Variants in DNAH9 observed in about 807,000 individuals in gnomAD.
The protein encoded by DNAH9 is dynein axonemal heavy chain 9.
DNAH9 carries 345 observed loss-of-function variants against 471.6 expected under a neutral mutation model. The observed-to-expected ratio is 0.73, with a 90% CI of 0.67 to 0.80. DNAH9 has a LOEUF of 0.80. Ranked by LOEUF, DNAH9 falls within the 30% of genes least tolerant of loss-of-function variation. The pLI is 0.00. For missense variants in DNAH9, 5,407 were observed against 5,609.2 expected (o/e 0.96, Z 1.15); for synonymous variants, 2,093 against 2,123.6 (o/e 0.99, Z 0.40).
At chr17:11,835,593 G>A (rs1339354490) in intron 49 of DNAH9, among the ~76,000 whole-genome samples, 1 of 152,132 alleles carries the variant, frequency 6.6e-6, no homozygotes, top group Non-Finnish European at 1.5e-5. Context: ...GGCAAAGGTG[G>A]AAGGAAAAGA....
At chr17:11,955,766 T>A (rs576624428) in intron 67 of DNAH9, among the ~76,000 whole-genome samples, 3 of 152,330 alleles carry the variant, frequency 2.0e-5, no homozygotes, top group Admixed American at 2.0e-4. Context: ...TCTCCAGCAC[T>A]GGAAATGGAG....
At chr17:11,619,055 C>A (rs1373669088) in intron 5 of DNAH9, among the ~76,000 whole-genome samples, 2 of 152,244 alleles carry the variant, frequency 1.3e-5, no homozygotes, top group African/African-American at 4.8e-5. Flanking sequence ...CTGGCTTCAG[C>A]CCCGACTTGC....
rs186955726 is a variant in DNAH9, at chr17:11,689,967, G to A, written c.4145G>A (p.Arg1382Gln). Reference sequence around the variant, plus strand: ...GCTGAGCTGCAGAATCCAGCCATCCGGGAGCGGCACTGGAGGCAGCTGATG... The same window carrying A: ...GCTGAGCTGCAGAATCCAGCCATCCAGGAGCGGCACTGGAGGCAGCTGATG... Reference protein sequence around the residue: ...AVAELQNPAIRERHWRQLMQA... With the variant: ...AVAELQNPAIQERHWRQLMQA... The change falls in exon 20 of 69, where the codon CGG (arginine) becomes CAG (glutamine). Residue 1382 changes from arginine to glutamine, a missense_variant. Physicochemically the swap from Arg to Gln is conservative, Grantham distance 43. This residue lies in a region of DNAH9 where 4,636 missense variants were observed against 4,900.3 expected (regional missense o/e 0.95). Coordinates refer to ENST00000262442, the MANE Select transcript of DNAH9 (RefSeq NM_001372.4). The A allele has an allele frequency of 1.9e-5, 30 of 1,613,678 alleles. No individual in the cohort carries two copies. Among genetic ancestry groups the A allele is most frequent in the Admixed American group, 6.7e-5 (4 of 59,984 alleles).
intron 56 of DNAH9, chr17:11,884,725 T>G: frequency 2.8e-6 from 1 of 361,216 alleles, no homozygotes; most frequent in Admixed American, 3.1e-5. Flanking sequence ...AGCAGGGATG[T>G]GACCACCAGG....
intron 2 of DNAH9, among the ~76,000 whole-genome samples, chr17:11,608,531 A>C (rs931535320): frequency 6.6e-6 from 1 of 152,212 alleles, no homozygotes; most frequent in Non-Finnish European, 1.5e-5. Flanking sequence ...CACTGCATGA[A>C]GTCTTCCAAG....
chr17:11,666,393 T>C (rs1444074988), intron 15 of DNAH9, among the ~76,000 whole-genome samples: 1 of 152,130 alleles, frequency 6.6e-6, no homozygotes, highest in Non-Finnish European at 1.5e-5. Context: ...TGTCCACTTG[T>C]GGGAAGGACA....
intron 61 of DNAH9, among the ~76,000 whole-genome samples, chr17:11,913,258 T>C (rs1368853421): frequency 6.6e-6 from 1 of 152,224 alleles, no homozygotes; most frequent in Non-Finnish European, 1.5e-5. Flanking sequence ...GCCTGAGTTT[T>C]TTTGAGTAAG....
rs946760769 is a variant in DNAH9 at position 11,605,929 on chromosome 17, T to C, written c.418-2200T>C. Among the ~76,000 whole-genome samples, 13 of 152,190 alleles carry C rather than the reference T, an allele frequency of 8.5e-5. 1 individual carries two copies. On this transcript the variant is annotated intron_variant, in intron 1 of 68. Coordinates refer to ENST00000262442, the MANE Select transcript of DNAH9 (RefSeq NM_001372.4). The stretch of plus-strand genomic sequence containing the variant: ...TGTACATTCAGTTATTTGATAAACA[T>C]CTTGAGTGCTTTCTATATGCCAGAT...
At chr17:11,777,776 T>G (rs937511567) in intron 38 of DNAH9, among the ~76,000 whole-genome samples, 3 of 152,236 alleles carry the variant, frequency 2.0e-5, no homozygotes, top group African/African-American at 4.8e-5. Context: ...GGCATTGTGC[T>G]TACAATTATT....
intron 37 of DNAH9, 33 bp from the exon 38 acceptor site, chr17:11,769,089 A>G: frequency 1.2e-6 from 2 of 1,611,024 alleles, no homozygotes; most frequent in Non-Finnish European, 1.7e-6. Flanking sequence ...CCTAGAGCCC[A>G]CCCTTGGCAG....
intron 62 of DNAH9, among the ~76,000 whole-genome samples, chr17:11,924,738 C>T (rs909423220): frequency 2.0e-5 from 3 of 151,342 alleles, no homozygotes; most frequent in African/African-American, 7.3e-5. Flanking sequence ...ATTCTCCTGC[C>T]TCAGCCTCCT....
chr17:11,921,229 A>C (rs1336436830), intron 61 of DNAH9, among the ~76,000 whole-genome samples: 1 of 148,106 alleles, frequency 6.8e-6, no homozygotes, highest in Non-Finnish European at 1.5e-5. Flanking sequence ...GGTGAAAAAA[A>C]AGAAAAAAAG....
chr17:11,738,449 C>T (rs898413840), intron 28 of DNAH9, among the ~76,000 whole-genome samples: 1 of 152,122 alleles, frequency 6.6e-6, no homozygotes, highest in African/African-American at 2.4e-5. Flanking sequence ...AGCATGATCT[C>T]GGCTCACGGC....
At chr17:11,837,999 G>A (rs1970902638) in intron 49 of DNAH9, among the ~76,000 whole-genome samples, 1 of 152,026 alleles carries the variant, frequency 6.6e-6, no homozygotes, top group South Asian at 2.1e-4. Context: ...AATAATAAAG[G>A]CATTCATTAA....
chr17:11,904,527 G>T (rs969171870), intron 60 of DNAH9, among the ~76,000 whole-genome samples: 3 of 151,658 alleles, frequency 2.0e-5, no homozygotes, highest in African/African-American at 4.9e-5. Context: ...TACTCAGGAG[G>T]CTGAGGCAGG....
rs1268969294 is a variant in DNAH9 at position 11,694,708 on chromosome 17, C to T, written c.4872+261C>T. On this transcript the variant is annotated intron_variant, in intron 22 of 68. Coordinates refer to ENST00000262442, the MANE Select transcript of DNAH9 (RefSeq NM_001372.4). ...TTTCTCGCTTTCTCGCTTTCTCTCTCTCTCTCTCTCTCTCTCTCTTTCTCT... is the reference window on the plus strand; with the variant it reads ...TTTCTCGCTTTCTCGCTTTCTCTCTTTCTCTCTCTCTCTCTCTCTTTCTCT... Among the ~76,000 whole-genome samples, 6 of 3,308 alleles carry T rather than the reference C, an allele frequency of 1.8e-3. 1 individual carries two copies. Among genetic ancestry groups the T allele is most frequent in the African/African-American group, 2.5e-3 (6 of 2,410 alleles). 2.2% of individuals were successfully genotyped at this position (3,308 alleles called of 152,430 possible).
chr17:11,912,519 A>G (rs1439090866), intron 61 of DNAH9, among the ~76,000 whole-genome samples: 2 of 152,080 alleles, frequency 1.3e-5, no homozygotes. Context: ...TTATTGTGAA[A>G]AGTTGTTGGG....
intron 48 of DNAH9, among the ~76,000 whole-genome samples, chr17:11,824,208 A>G (rs190545073): frequency 3.1e-4 from 47 of 152,300 alleles, no homozygotes; most frequent in African/African-American, 1.1e-3. Flanking sequence ...CAATTAAACT[A>G]AAATTGTGAT....
chr17:11,762,758 G>GTTTTTTTTGTTGTTTTTTTTTTTTTTT (rs1967733702), intron 35 of DNAH9, among the ~76,000 whole-genome samples: 1 of 94,790 alleles, frequency 1.1e-5, no homozygotes, highest in African/African-American at 3.8e-5. Context: ...CTTTAGGTGC[G>GTTTTTTTTGTTGTTTTTTTTTTTTTTT]TTTTTTTTTT....
Sources: allele counts gnomAD v4.1 joint callset (sites outside exome capture counted in the v4.1 genomes callset), GRCh38; gene constraint gnomAD v4.1.1; regional missense constraint gnomAD v4.1.1; transcripts MANE v1.5; gene names NCBI Gene and HGNC (gene_info 2026-07-23, HGNC 2026-07-21).